Variants in BHMT observed in about 807,000 individuals in gnomAD.
BHMT encodes the protein betaine--homocysteine S-methyltransferase 1.
Under a neutral mutation model 49.5 loss-of-function variants are expected in BHMT, and 38 were observed. The observed-to-expected ratio is 0.77, with a 90% confidence interval of 0.59 to 1.01. The LOEUF (loss-of-function observed/expected upper bound fraction) is 1.01, where lower values mean the gene tolerates loss of function less well. Among genes scored for constraint, BHMT ranks in the 50% least tolerant of loss-of-function variants. The probability of loss-of-function intolerance (pLI) is 0.00; values close to 1 mark genes in which losing one functional copy is unlikely to be tolerated. For missense variants in BHMT, 426 were observed against 495.7 expected (o/e 0.86, Z 1.34); for synonymous variants, 166 against 176.3 (o/e 0.94, Z 0.46).
In BHMT at chr5:79,121,264, T is replaced by G; in HGVS notation, c.524T>G (p.Ile175Arg). 1.2e-6 allele frequency: 2 copies of G among 1,614,200 alleles called. No homozygotes were observed. The highest frequency in any genetic ancestry group is 8.5e-7 in the Non-Finnish European group (1 of 1,180,020). Residue 175 changes from isoleucine (I) to arginine (R), a missense_variant, in exon 5 of 8, where the codon ATA becomes AGA. By Grantham distance (97) the Ile-to-Arg change is moderately conservative (BLOSUM62 -3). Transcript: ENST00000274353. Reference protein sequence around the residue: ...EEAVWAVETLIASGKPVAATM... With the variant: ...EEAVWAVETLRASGKPVAATM... Reference sequence around the variant, plus strand: ...GCTGTGTGGGCAGTTGAAACCTTGATAGCATCCGGTAAACCTGTGGCAGCA... The same window carrying G: ...GCTGTGTGGGCAGTTGAAACCTTGAGAGCATCCGGTAAACCTGTGGCAGCA...
chr5:79,127,748 A>G lies in BHMT; in HGVS notation c.809-7A>G, dbSNP rs1756573136. ...AATGCCTAATGGCATAATGCCACTT[A>G]TTACAGGACTGGAACCCAGAGTTGC... On this transcript the variant is annotated splice_region_variant and splice_polypyrimidine_tract_variant and intron_variant, in intron 6 of 7. Coordinates refer to ENST00000274353, the MANE Select transcript of BHMT (RefSeq NM_001713.3). The G allele has an allele frequency of 6.2e-7, 1 of 1,613,826 alleles. No individual in the cohort carries two copies. Among genetic ancestry groups the G allele is most frequent in the Admixed American group, 1.7e-5 (1 of 59,978 alleles).
rs563969172 is a variant in BHMT, at chr5:79,132,218, T to G, written c.*1102T>G. 6.6e-5 allele frequency: 10 copies of G among 152,292 alleles called. No homozygotes were observed. Among genetic ancestry groups the G allele is most frequent in the African/African-American group, 2.4e-4 (10 of 41,564 alleles). 9.4% of individuals were successfully genotyped at this position (152,292 alleles called of 1,614,324 possible). A position where few individuals can be genotyped will look rare whatever the true frequency, so the allele number is the denominator to read the frequency against. ...AAGAGGTCATGCAGCTTTCTAAACA[T>G]TATTGAATTGTTTGAGCTGTTTTGA... On this transcript the variant is annotated 3_prime_UTR_variant, in exon 8 of 8. Transcript: ENST00000274353.
rs1424918956 is a variant in BHMT, at chr5:79,115,792, G to A, written c.59G>A (p.Gly20Glu). The A allele has an allele frequency of 6.2e-7, 1 of 1,613,476 alleles. No homozygotes were observed. The highest frequency in any genetic ancestry group is 8.5e-7 in the Non-Finnish European group (1 of 1,179,688). ...GGCATCCTAGAACGTTTAAATGCTGGAGAGATTGTGATTGGAGATGGAGGG... is the reference window on the plus strand; with the variant it reads ...GGCATCCTAGAACGTTTAAATGCTGAAGAGATTGTGATTGGAGATGGAGGG... ...KKGILERLNA[G>E]EIVIGDGGFV... The change falls in exon 2 of 8, where the codon GGA becomes GAA. Residue 20 changes from glycine (G) to glutamate (E), a missense_variant. Gly to Glu is a moderately conservative substitution (Grantham distance 98). Transcript: ENST00000274353.
Position 79,124,721 on chromosome 5 carries a change from C to T in BHMT, c.626-1325C>T, listed in dbSNP as rs1005733259. On this transcript the variant is annotated intron_variant, in intron 5 of 7. Transcript: ENST00000274353. ...TCTCACTAAATCAAACTTCACAGCA[C>T]CAAATTTTACAAGAATACTGTAGGA... 2.6e-5 allele frequency among the ~76,000 whole-genome samples: 4 copies of T among 152,120 alleles called. No individual in the cohort carries two copies. The East Asian group carries it at 7.7e-4, about 29-fold the overall frequency.
intron 7 of BHMT, 132 bp downstream of exon 7, chr5:79,128,115 G>T (rs1203427971): frequency 9.1e-7 from 1 of 1,096,612 alleles, no homozygotes; most frequent in Admixed American, 2.5e-5. Context: ...TCCCAGAGAT[G>T]TTTACAAAGC....
intron 5 of BHMT, among the ~76,000 whole-genome samples, chr5:79,123,679 G>A (rs1263328553): frequency 1.3e-5 from 2 of 152,088 alleles, no homozygotes; most frequent in African/African-American, 2.4e-5. Flanking sequence ...AGCCTCCCAA[G>A]TAGCTGGGAT....
At chr5:79,121,685 G>A (rs1417187526) in intron 5 of BHMT, among the ~76,000 whole-genome samples, 1 of 151,396 alleles carries the variant, frequency 6.6e-6, no homozygotes, top group East Asian at 2.0e-4. Flanking sequence ...ACTGGTGGCG[G>A]GCGCCTGTAG....
At position 79,127,950 on chromosome 5, in the gene BHMT, T is replaced by C. The variant is rs377305354; in HGVS notation, c.1004T>C (p.Leu335Ser). 3.1e-6 allele frequency: 5 copies of C among 1,613,834 alleles called. No homozygotes were observed. The African/African-American group carries it at 6.7e-5, about 22-fold the overall frequency. ...AAACATGGCAGCTGGGGAAGTGGTTTGGACATGCACACCAAACCCTGGGTT... is the reference window on the plus strand; with the variant it reads ...AAACATGGCAGCTGGGGAAGTGGTTCGGACATGCACACCAAACCCTGGGTT... ...SEKHGSWGSG[L>S]DMHTKPWVRA... Residue 335 changes from leucine (L) to serine (S), a missense_variant, in exon 7 of 8, where the codon TTG becomes TCG. By Grantham distance (145) the Leu-to-Ser change is moderately radical. This residue lies in a region of BHMT where 32 missense variants were observed against 71.6 expected (regional missense o/e 0.45). Transcript: ENST00000274353.
At chr5:79,121,994 T>A (rs893871217) in intron 5 of BHMT, among the ~76,000 whole-genome samples, 3 of 151,450 alleles carry the variant, frequency 2.0e-5, no homozygotes, top group Admixed American at 2.0e-4. Flanking sequence ...CAGGCTGGAG[T>A]GCAATGGCGC....
chr5:79,126,430 C>CA (rs1554042178), intron 6 of BHMT: 2 of 524,242 alleles, frequency 3.8e-6, no homozygotes, highest in South Asian at 2.8e-5. Flanking sequence ...TCCCAGCTAG[C>CA]AAAAAAGATC....
intron 1 of BHMT, 93 bp downstream of exon 1, chr5:79,112,011 G>C: frequency 7.4e-7 from 1 of 1,350,600 alleles, no homozygotes; most frequent in Non-Finnish European, 9.9e-7. Flanking sequence ...CTCGGACCCT[G>C]CCTGGTACCC....
chr5:79,126,324 A>G, intron 6 of BHMT, 96 bp downstream of exon 6: 1 of 1,409,534 alleles, frequency 7.1e-7, no homozygotes, highest in Non-Finnish European at 9.7e-7. Context: ...GTCATAGTGA[A>G]GAGATGGCTT....
rs1756382643 is a variant in BHMT, at chr5:79,116,057, G to GT, written c.166+164dup. ...CATAGGGAGACCTAGTCTCTCAGAAGTTTTTTAAAAATTAGCTGGACATGG... is the reference window on the plus strand; with the variant it reads ...CATAGGGAGACCTAGTCTCTCAGAAGTTTTTTTAAAAATTAGCTGGACATGG... On this transcript the variant is annotated intron_variant, in intron 2 of 7. Transcript: ENST00000274353. 4 of 948,464 alleles carry GT rather than the reference G, an allele frequency of 4.2e-6. No homozygotes were observed. The South Asian group carries it at 1.5e-4, about 36-fold the overall frequency. The allele number at this position is 948,464 out of a possible 1,614,324, so 58.8% of individuals were successfully genotyped here.
intron 2 of BHMT, among the ~76,000 whole-genome samples, chr5:79,116,598 C>T (rs1380123178): frequency 6.6e-6 from 1 of 152,172 alleles, no homozygotes; most frequent in Non-Finnish European, 1.5e-5. Context: ...TGCAAACTTA[C>T]CCAACTGAAG....
At chr5:79,121,581 G>A (rs1323398412) in intron 5 of BHMT, among the ~76,000 whole-genome samples, 2 of 152,150 alleles carry the variant, frequency 1.3e-5, no homozygotes, top group South Asian at 2.1e-4. Context: ...TTGGGAGGCA[G>A]AGACGGGTGG....
Position 79,126,027 on chromosome 5 carries a change from A to G in BHMT, c.626-19A>G, listed in dbSNP as rs1242879688. 6.3e-7 allele frequency: 1 copy of G among 1,588,542 alleles called. No individual in the cohort carries two copies. The highest frequency in any genetic ancestry group is 8.6e-7 in the Non-Finnish European group (1 of 1,159,936). On this transcript the variant is annotated intron_variant, in intron 5 of 7. Transcript: ENST00000274353. ...TTTCTGGTGCATCCCTAAGTCTATC[A>G]TGTTCTTCCCACTCACAGGAGCATC...
chr5:79,121,688 G>A (rs1161176723), intron 5 of BHMT, among the ~76,000 whole-genome samples: 4 of 151,346 alleles, frequency 2.6e-5, no homozygotes, highest in South Asian at 2.1e-4. Context: ...GGTGGCGGGC[G>A]CCTGTAGTCC....
At chr5:79,123,642 C>T (rs1156715070) in intron 5 of BHMT, among the ~76,000 whole-genome samples, 1 of 152,086 alleles carries the variant, frequency 6.6e-6, no homozygotes, top group Non-Finnish European at 1.5e-5. Context: ...ACCTCCACCT[C>T]CTGGGTTCAA....
Position 79,131,829 on chromosome 5 carries a change from T to C in BHMT, c.*713T>C, listed in dbSNP as rs1756647556. On this transcript the variant is annotated 3_prime_UTR_variant, in exon 8 of 8. Transcript: ENST00000274353. ...TGAGACCTGATCAATAAATATCCAA[T>C]ACCCAGAGTCCTGCTCTCAGAGTTC... 1 of 152,152 alleles carries C rather than the reference T, an allele frequency of 6.6e-6. No homozygotes were observed. The highest frequency in any genetic ancestry group is 2.4e-5 in the African/African-American group (1 of 41,426). The allele number at this position is 152,152 out of a possible 1,614,324, so 9.4% of individuals were successfully genotyped here. A position where few individuals can be genotyped will look rare whatever the true frequency, so the allele number is the denominator to read the frequency against.
Sources: allele counts gnomAD v4.1 joint callset (sites outside exome capture counted in the v4.1 genomes callset), GRCh38; gene constraint gnomAD v4.1.1; regional missense constraint gnomAD v4.1.1; transcripts MANE v1.5; gene names NCBI Gene and HGNC (gene_info 2026-07-23, HGNC 2026-07-21).